RHBDL2: variants seen among roughly 807,000 people sequenced by gnomAD.
RHBDL2 encodes rhomboid-related protein 2.
A neutral mutation model predicts 31.7 loss-of-function variants in RHBDL2; 26 were observed. The ratio of observed to expected loss-of-function variants is 0.82; its 90% CI spans 0.60 to 1.14. The LOEUF is 1.14. Ranked by LOEUF, RHBDL2 falls within the 50% of genes most tolerant of loss-of-function variation. The pLI, the probability that RHBDL2 is intolerant of heterozygous loss-of-function variation, is 0.00. For synonymous variants in RHBDL2, 123 were observed against 127.2 expected, an observed-to-expected ratio of 0.97 and a Z score of 0.22; for missense variants, 336 against 364.4, an observed-to-expected ratio of 0.92 and a Z score of 0.63.
chr1:38,910,770 T>TG lies in RHBDL2; in HGVS notation c.508+551_508+552insC, dbSNP rs1327862859. Among the ~76,000 whole-genome samples the TG allele has an allele frequency of 7.3e-3, 813 of 111,004 alleles. 6 individuals carry two copies. The highest frequency in any genetic ancestry group is 0.047 in the East Asian group (191 of 4,106). The allele number at this position is 111,004 out of a possible 152,430, so 72.8% of individuals were successfully genotyped here. A position where few individuals can be genotyped will look rare whatever the true frequency, so the allele number is the denominator to read the frequency against. Reference sequence around the variant, plus strand: ...TTCCTTTTCTTTTTTTTTTTTTTTTTTTTGTTTGTTTGTTTGTTTGAGACA... The same window carrying TG: ...TTCCTTTTCTTTTTTTTTTTTTTTTTGTTTGTTTGTTTGTTTGTTTGAGACA... On this transcript the variant is annotated intron_variant, in intron 4 of 7. Transcript: ENST00000372990.
chr1:38,903,371 C>T (rs1348951414), intron 4 of RHBDL2, among the ~76,000 whole-genome samples: 2 of 151,866 alleles, frequency 1.3e-5, no homozygotes, highest in Non-Finnish European at 2.9e-5. Flanking sequence ...AGCTCCTGAC[C>T]TCAGGCGATC....
chr1:38,895,976 A>G lies in RHBDL2; in HGVS notation c.602T>C (p.Val201Ala). 6.2e-7 allele frequency: 1 copy of G among 1,608,732 alleles called. No individual in the cohort carries two copies. The highest frequency in any genetic ancestry group is 8.5e-7 in the Non-Finnish European group (1 of 1,175,196). ...YALMGGYFMN[V>A]LVNFQEMIPA... The stretch of plus-strand genomic sequence containing the variant: ...CATCCCCATGGTTCTTACCACCAGA[A>G]CATTCATAAAATAGCCTCCCATCAG... Residue 201 changes from valine to alanine, a missense_variant, in exon 5 of 8, where the codon GTT becomes GCT. Coordinates refer to ENST00000372990, the MANE Select transcript of RHBDL2 (RefSeq NM_017821.5).
rs569507320 is a variant in RHBDL2 at position 38,915,763 on chromosome 1, C to T, written c.247-53G>A. 7 of 1,577,508 alleles carry T rather than the reference C, an allele frequency of 4.4e-6. No individual in the cohort carries two copies. The South Asian group carries it at 4.5e-5, about 10-fold the overall frequency. ...AACCACACCTTCTCCAGAGAGGGGC[C>T]CCATCCAAGCCCGTGGGCAGTAACT... On this transcript the variant is annotated intron_variant, in intron 2 of 7. Coordinates refer to ENST00000372990, the MANE Select transcript of RHBDL2 (RefSeq NM_017821.5).
chr1:38,897,577 T>C (rs1488003283), intron 4 of RHBDL2, among the ~76,000 whole-genome samples: 3 of 152,002 alleles, frequency 2.0e-5, no homozygotes, highest in Admixed American at 6.6e-5. Context: ...TAGCCAAGCA[T>C]GGTGGTACCC....
chr1:38,928,815 CTT>C (rs1184742934), intron 1 of RHBDL2, among the ~76,000 whole-genome samples: 2 of 152,180 alleles, frequency 1.3e-5, no homozygotes, highest in East Asian at 3.9e-4. Context: ...AATCCTAGCA[CTT>C]TGAGAGACCG....
At chr1:38,912,605 A>C (rs1643165092) in intron 3 of RHBDL2, among the ~76,000 whole-genome samples, 1 of 151,122 alleles carries the variant, frequency 6.6e-6, no homozygotes, top group Non-Finnish European at 1.5e-5. Flanking sequence ...TTTTTTGTAG[A>C]GATGGGGTTT....
chr1:38,937,658 C>T (rs934552335), intron 1 of RHBDL2, among the ~76,000 whole-genome samples: 1 of 152,136 alleles, frequency 6.6e-6, no homozygotes, highest in Admixed American at 6.6e-5. Context: ...CCTGGAAACC[C>T]TTCTACACCT....
chr1:38,907,567 G>GA (rs1268683586), intron 4 of RHBDL2, among the ~76,000 whole-genome samples: 3 of 147,576 alleles, frequency 2.0e-5, no homozygotes, highest in African/African-American at 7.5e-5. Context: ...TAAAATTAAA[G>GA]AAAAAAAGTA....
chr1:38,930,610 G>A (rs56768285), intron 1 of RHBDL2, among the ~76,000 whole-genome samples: 23,948 of 152,048 alleles, frequency 0.16, 3,901 homozygotes, highest in African/African-American at 0.41. Flanking sequence ...TGTGGTGTGC[G>A]CACTAAGGGA....
chr1:38,890,927 G>A (rs2124300532), intron 6 of RHBDL2, among the ~76,000 whole-genome samples: 1 of 152,134 alleles, frequency 6.6e-6, no homozygotes, highest in South Asian at 2.1e-4. Context: ...CATAATGCTT[G>A]ATGAAGGAAT....
intron 4 of RHBDL2, among the ~76,000 whole-genome samples, chr1:38,902,331 G>A (rs1425799112): frequency 2.7e-5 from 4 of 146,930 alleles, no homozygotes; most frequent in Non-Finnish European, 6.0e-5. Context: ...TCAGCCTCCC[G>A]AATAGCTGGG....
chr1:38,927,801 G>T (rs905162146), intron 1 of RHBDL2, among the ~76,000 whole-genome samples: 4 of 152,182 alleles, frequency 2.6e-5, no homozygotes, highest in African/African-American at 9.7e-5. Flanking sequence ...CACTTTATGA[G>T]CATTGTCTTC....
In RHBDL2 at chr1:38,930,757, C is replaced by T. The variant is rs544410484; in HGVS notation, c.-126+10925G>A. Among the ~76,000 whole-genome samples the T allele has an allele frequency of 3.9e-5, 6 of 152,318 alleles. No homozygotes were observed. In the South Asian group the frequency reaches 1.2e-3, roughly 32 times the overall value. On this transcript the variant is annotated intron_variant, in intron 1 of 7. Transcript: ENST00000372990. The stretch of plus-strand genomic sequence containing the variant: ...TTAATTCAAGGACAGTTGGCCCAGG[C>T]CCTTAAGTAAGGAGACAAAATCATG...
chr1:38,899,949 G>A (rs993494682), intron 4 of RHBDL2, among the ~76,000 whole-genome samples: 8 of 152,128 alleles, frequency 5.3e-5, no homozygotes, highest in Admixed American at 2.0e-4. Flanking sequence ...TCTGCCCTGC[G>A]ACTTTTCTCT....
chr1:38,923,478 C>T (rs1372723728), intron 1 of RHBDL2, among the ~76,000 whole-genome samples: 1 of 152,154 alleles, frequency 6.6e-6, no homozygotes, highest in African/African-American at 2.4e-5. Context: ...TGGAGCCTCA[C>T]AAAGCAAATC....
At chr1:38,932,735 C>T (rs1289139379) in intron 1 of RHBDL2, among the ~76,000 whole-genome samples, 1 of 152,228 alleles carries the variant, frequency 6.6e-6, no homozygotes, top group Non-Finnish European at 1.5e-5. Flanking sequence ...GCTGGAATTA[C>T]AGGCGTGAGC....
chr1:38,909,147 C>T (rs1643108554), intron 4 of RHBDL2, among the ~76,000 whole-genome samples: 1 of 152,036 alleles, frequency 6.6e-6, no homozygotes, highest in Non-Finnish European at 1.5e-5. Flanking sequence ...GCTAGGGTCT[C>T]GGGGTTTTTA....
intron 3 of RHBDL2, among the ~76,000 whole-genome samples, chr1:38,912,129 G>A (rs913205081): frequency 1.3e-5 from 2 of 151,986 alleles, no homozygotes; most frequent in Non-Finnish European, 2.9e-5. Flanking sequence ...GCGCCACCAT[G>A]CCCAGCTAAT....
chr1:38,889,095 T>TTTTG (rs1241598030), intron 6 of RHBDL2, among the ~76,000 whole-genome samples: 2 of 151,906 alleles, frequency 1.3e-5, no homozygotes, highest in African/African-American at 4.8e-5. Flanking sequence ...ACATGATAGA[T>TTTTG]TTTGTTTGTT....
Sources: gnomAD v4.1 joint callset for allele counts (sites outside exome capture counted in the v4.1 genomes callset) on GRCh38, gnomAD v4.1.1 for gene constraint, MANE v1.5 for transcripts, NCBI Gene and HGNC (gene_info 2026-07-23, HGNC 2026-07-21) for gene names.